The following C2CD5 variants were observed in gnomAD, a reference collection of about 807,000 sequenced individuals.
C2CD5 encodes C2 domain-containing protein 5.
Under a neutral mutation model 130.3 loss-of-function variants are expected in C2CD5, and 109 were observed. That is an observed-to-expected ratio of 0.84 (90% CI 0.72 to 0.98). The LOEUF (loss-of-function observed/expected upper bound fraction) is 0.98, where lower values mean the gene tolerates loss of function less well. Ranked by LOEUF, C2CD5 falls within the 50% of genes least tolerant of loss-of-function variation. The pLI, the probability that C2CD5 is intolerant of heterozygous loss-of-function variation, is 0.00. For missense variants in C2CD5, 996 were observed against 1,261.8 expected (o/e 0.79, Z 3.19); for synonymous variants, 454 against 429.2 (o/e 1.06, Z -0.71).
intron 12 of C2CD5, among the ~76,000 whole-genome samples, chr12:22,488,792 C>G (rs913917331): frequency 1.3e-5 from 2 of 151,730 alleles, no homozygotes; most frequent in African/African-American, 4.8e-5. Context: ...CCAAGTTCCT[C>G]TAGTGAATAC....
intron 22 of C2CD5, among the ~76,000 whole-genome samples, chr12:22,459,942 A>C (rs1002890224): frequency 2.0e-5 from 3 of 152,234 alleles, no homozygotes; most frequent in African/African-American, 7.2e-5. Flanking sequence ...TGTGGGGAAG[A>C]GTCTATAAGA....
intron 3 of C2CD5, among the ~76,000 whole-genome samples, chr12:22,534,289 C>T (rs1951613453): frequency 6.6e-6 from 1 of 152,080 alleles, no homozygotes; most frequent in Non-Finnish European, 1.5e-5. Context: ...CCATAAAACT[C>T]TTACAAAAAA....
intron 6 of C2CD5, 40 bp from the exon 7 acceptor site, chr12:22,523,664 T>C: frequency 6.8e-7 from 1 of 1,467,240 alleles, no homozygotes. Context: ...TTTGTAGCTT[T>C]ACATTACATA....
intron 9 of C2CD5, 38 bp from the exon 10 acceptor site, chr12:22,506,857 G>T: frequency 8.0e-7 from 1 of 1,243,020 alleles, no homozygotes; most frequent in Non-Finnish European, 1.2e-6. Flanking sequence ...AACTTATCGT[G>T]TGTAGAGTGT....
At chr12:22,451,495 G>C (rs1938598022) in intron 26 of C2CD5, among the ~76,000 whole-genome samples, 1 of 152,146 alleles carries the variant, frequency 6.6e-6, no homozygotes, top group African/African-American at 2.4e-5. Flanking sequence ...CACCTGATAT[G>C]ATGTGTACAC....
At chr12:22,467,605 C>T (rs1015322008) in intron 22 of C2CD5, among the ~76,000 whole-genome samples, 7 of 152,140 alleles carry the variant, frequency 4.6e-5, no homozygotes, top group Admixed American at 1.3e-4. Flanking sequence ...TTACAAAGGA[C>T]GAACTGAGGC....
chr12:22,478,032 C>A (rs867721047), intron 15 of C2CD5: 4 of 383,104 alleles, frequency 1.0e-5, no homozygotes, highest in South Asian at 6.8e-5. Flanking sequence ...CACACACTCA[C>A]ACACACACAC....
At chr12:22,527,068 C>T (rs1950783740) in intron 4 of C2CD5, among the ~76,000 whole-genome samples, 1 of 152,126 alleles carries the variant, frequency 6.6e-6, no homozygotes. Context: ...GCCCGGGAGG[C>T]CCTGCTTCAG....
At chr12:22,473,494 A>G (rs1389002797) in intron 16 of C2CD5, among the ~76,000 whole-genome samples, 1 of 152,108 alleles carries the variant, frequency 6.6e-6, no homozygotes, top group African/African-American at 2.4e-5. Flanking sequence ...CAGGATCTCG[A>G]GCATTCTCCA....
intron 10 of C2CD5, among the ~76,000 whole-genome samples, chr12:22,499,098 T>C (rs1947413435): frequency 6.6e-6 from 1 of 152,332 alleles, no homozygotes; most frequent in Non-Finnish European, 1.5e-5. Flanking sequence ...GTTAGGACTA[T>C]TAAAACTTGC....
At chr12:22,453,648 G>GT (rs1032364148) in intron 26 of C2CD5, among the ~76,000 whole-genome samples, 1 of 152,184 alleles carries the variant, frequency 6.6e-6, no homozygotes, top group African/African-American at 2.4e-5. Flanking sequence ...GGTGGAAACA[G>GT]TAACTCAGGA....
rs1943078964 is a variant in C2CD5, at chr12:22,471,766, A to G, written c.2268+201T>C. On this transcript the variant is annotated intron_variant, in intron 19 of 26. Coordinates refer to ENST00000446597, the MANE Select transcript of C2CD5 (RefSeq NM_001286176.2). The stretch of plus-strand genomic sequence containing the variant: ...TTTATGGAAGTTAAAGCTATTAACT[A>G]AAACTATTTCTTTTATAATTTGATA... Among the ~76,000 whole-genome samples, 3 of 152,056 alleles carry G rather than the reference A, an allele frequency of 2.0e-5. No homozygotes were observed. The South Asian group carries it at 6.2e-4, about 31-fold the overall frequency.
At chr12:22,481,508 A>C (rs1278326970) in intron 14 of C2CD5, among the ~76,000 whole-genome samples, 1 of 152,178 alleles carries the variant, frequency 6.6e-6, no homozygotes, top group East Asian at 1.9e-4. Context: ...TCTGAGTCCT[A>C]CACTACTTAT....
chr12:22,451,290 GACA>G (rs1400578760), intron 26 of C2CD5, among the ~76,000 whole-genome samples: 3 of 152,058 alleles, frequency 2.0e-5, no homozygotes, highest in South Asian at 2.1e-4. Flanking sequence ...GCATAGGAAT[GACA>G]ACAAAATTAA....
At chr12:22,462,465 A>G (rs1010361350) in intron 22 of C2CD5, among the ~76,000 whole-genome samples, 1 of 152,184 alleles carries the variant, frequency 6.6e-6, no homozygotes, top group Non-Finnish European at 1.5e-5. Context: ...GACCCTAGAA[A>G]CTTAGCAAAG....
intron 22 of C2CD5, chr12:22,460,601 G>A (rs1256447659): frequency 6.6e-6 from 1 of 151,930 alleles, no homozygotes; most frequent in African/African-American, 2.4e-5. Context: ...TTTTGAGACG[G>A]AGTTTTCGTC....
chr12:22,455,031 T>A (rs1223125817), intron 25 of C2CD5, among the ~76,000 whole-genome samples: 1 of 152,160 alleles, frequency 6.6e-6, no homozygotes, highest in Non-Finnish European at 1.5e-5. Flanking sequence ...ATTTACAGTC[T>A]AGGAGGAAAT....
intron 26 of C2CD5, 43 bp downstream of exon 26, chr12:22,453,853 T>G: frequency 6.3e-7 from 1 of 1,594,552 alleles, no homozygotes; most frequent in Non-Finnish European, 8.6e-7. Flanking sequence ...ATGGAAGAAA[T>G]TCTCAGGTTC....
rs376401513 is a variant in C2CD5, at chr12:22,471,347, AAAT to A, written c.2358+49_2358+51del. 981 of 989,438 alleles carry A rather than the reference AAAT, an allele frequency of 9.9e-4. 7 individuals are homozygous for A. In the African/African-American group the frequency reaches 0.014, roughly 14 times the overall value. 61.3% of individuals were successfully genotyped at this position (989,438 alleles called of 1,614,324 possible). ...CAAAATTATGATAAACAGATAATGA[AAAT>A]AATAAAACAGATCAGATAAAGACTA... On this transcript the variant is annotated intron_variant, in intron 20 of 26. Coordinates refer to ENST00000446597, the MANE Select transcript of C2CD5 (RefSeq NM_001286176.2).
Sources: allele counts gnomAD v4.1 joint callset (sites outside exome capture counted in the v4.1 genomes callset), GRCh38; gene constraint gnomAD v4.1.1; transcripts MANE v1.5; gene names NCBI Gene and HGNC (gene_info 2026-07-23, HGNC 2026-07-21).